Variants in TBC1D22A observed in about 807,000 individuals in gnomAD.
TBC1D22A encodes the protein putative GTPase activator.
TBC1D22A carries 38 observed loss-of-function variants against 60.2 expected under a neutral mutation model. The observed-to-expected ratio is 0.63, with a 90% confidence interval of 0.49 to 0.83. The LOEUF (loss-of-function observed/expected upper bound fraction) is 0.83. Ranked by LOEUF, TBC1D22A falls within the 40% of genes least tolerant of loss-of-function variation. The probability of loss-of-function intolerance (pLI) is 0.00; values close to 1 mark genes in which losing one functional copy is unlikely to be tolerated. For missense variants in TBC1D22A, 628 were observed against 701.0 expected, an observed-to-expected ratio of 0.90 and a Z score of 1.18; for synonymous variants, 302 against 281.7, an observed-to-expected ratio of 1.07 and a Z score of -0.72.
At chr22:46,970,858 T>A (rs912989359) in intron 8 of TBC1D22A, among the ~76,000 whole-genome samples, 1 of 152,142 alleles carries the variant, frequency 6.6e-6, no homozygotes, top group Non-Finnish European at 1.5e-5. Context: ...GGGACAGGGC[T>A]CCTCTGGGTG....
intron 12 of TBC1D22A, among the ~76,000 whole-genome samples, chr22:47,125,352 G>A (rs577386632): frequency 4.6e-5 from 7 of 152,302 alleles, no homozygotes; most frequent in African/African-American, 1.2e-4. Context: ...GCGTGCCCTG[G>A]AGACCTGGGG....
intron 4 of TBC1D22A, among the ~76,000 whole-genome samples, chr22:46,823,170 G>A (rs924690961): frequency 2.6e-5 from 4 of 152,108 alleles, no homozygotes; most frequent in African/African-American, 7.2e-5. Context: ...GAGGTATAAG[G>A]TTGAGGGTCC....
intron 9 of TBC1D22A, among the ~76,000 whole-genome samples, chr22:46,975,039 G>A (rs1278822254): frequency 6.6e-6 from 1 of 152,194 alleles, no homozygotes; most frequent in African/African-American, 2.4e-5. Flanking sequence ...ACAGTACCTG[G>A]GAAGGACCTT....
intron 11 of TBC1D22A, among the ~76,000 whole-genome samples, chr22:47,050,325 C>T (rs958881312): frequency 2.6e-5 from 4 of 152,184 alleles, no homozygotes; most frequent in Admixed American, 6.5e-5. Flanking sequence ...ATTTCTTTAC[C>T]GTCACCATCA....
chr22:46,823,672 T>A (rs528413704), intron 4 of TBC1D22A, among the ~76,000 whole-genome samples: 1 of 152,254 alleles, frequency 6.6e-6, no homozygotes, highest in Non-Finnish European at 1.5e-5. Flanking sequence ...ACGTGGGCAG[T>A]ACTTAATAAA....
intron 4 of TBC1D22A, among the ~76,000 whole-genome samples, chr22:46,836,924 T>A (rs1280648485): frequency 6.6e-6 from 1 of 150,848 alleles, no homozygotes; most frequent in Non-Finnish European, 1.5e-5. Context: ...TTTGGGAGGC[T>A]GAGGTGGGAG....
intron 12 of TBC1D22A, among the ~76,000 whole-genome samples, chr22:47,165,261 G>A (rs542422553): frequency 2.9e-4 from 44 of 152,230 alleles, no homozygotes; most frequent in African/African-American, 1.0e-3. Context: ...GGGGGTGCGC[G>A]GACCCCTTCA....
chr22:46,850,065 G>T (rs1315897088), intron 4 of TBC1D22A, among the ~76,000 whole-genome samples: 1 of 152,224 alleles, frequency 6.6e-6, no homozygotes, highest in Non-Finnish European at 1.5e-5. Context: ...TTTCCTGGGT[G>T]TGCATCTGTG....
intron 12 of TBC1D22A, among the ~76,000 whole-genome samples, chr22:47,119,506 T>TC (rs1277903903): frequency 6.6e-6 from 1 of 152,042 alleles, no homozygotes; most frequent in African/African-American, 2.4e-5. Context: ...TAATTTTTTT[T>TC]TTTTTTTTGA....
At chr22:46,855,970 T>A (rs2087547796) in intron 4 of TBC1D22A, among the ~76,000 whole-genome samples, 1 of 152,192 alleles carries the variant, frequency 6.6e-6, no homozygotes, top group East Asian at 1.9e-4. Flanking sequence ...GATTTCTCAG[T>A]CATGTGTGAC....
intron 12 of TBC1D22A, among the ~76,000 whole-genome samples, chr22:47,130,479 T>A (rs1475297716): frequency 1.3e-5 from 2 of 151,922 alleles, no homozygotes; most frequent in Admixed American, 1.3e-4. Context: ...CCTTCTGGCC[T>A]CTCTCTGGAT....
chr22:46,944,651 G>A (rs1447119045), intron 8 of TBC1D22A, among the ~76,000 whole-genome samples: 2 of 152,156 alleles, frequency 1.3e-5, no homozygotes, highest in African/African-American at 4.8e-5. Flanking sequence ...GCCCACCTTG[G>A]CCTCCCAAAG....
chr22:46,842,303 G>A (rs562499873), intron 4 of TBC1D22A, among the ~76,000 whole-genome samples: 244 of 152,324 alleles, frequency 1.6e-3, no homozygotes, highest in African/African-American at 5.5e-3. Context: ...AGCAGTCATG[G>A]GTTTGGGTCT....
intron 12 of TBC1D22A, chr22:47,116,441 G>A (rs530058686): frequency 1.3e-3 from 203 of 152,440 alleles, no homozygotes; most frequent in Non-Finnish European, 2.7e-3. Flanking sequence ...TGATCAGTGA[G>A]TGCGCCACTG....
At chr22:47,118,970 G>A (rs1283607137) in intron 12 of TBC1D22A, among the ~76,000 whole-genome samples, 1 of 152,124 alleles carries the variant, frequency 6.6e-6, no homozygotes, top group Non-Finnish European at 1.5e-5. Flanking sequence ...CCAACGTGGT[G>A]GAACCCCATC....
intron 11 of TBC1D22A, among the ~76,000 whole-genome samples, chr22:47,072,701 A>G (rs889508034): frequency 6.6e-6 from 1 of 152,252 alleles, no homozygotes; most frequent in Admixed American, 6.5e-5. Flanking sequence ...TGTGGTGAGC[A>G]CATGGCACCC....
At chr22:47,112,881 G>C (rs959490654) in intron 12 of TBC1D22A, among the ~76,000 whole-genome samples, 2 of 152,236 alleles carry the variant, frequency 1.3e-5, no homozygotes, top group Non-Finnish European at 2.9e-5. Flanking sequence ...CTGATGCAAG[G>C]CTGCTGGGGC....
intron 7 of TBC1D22A, among the ~76,000 whole-genome samples, chr22:46,901,217 T>G (rs1276123106): frequency 6.6e-6 from 1 of 152,230 alleles, no homozygotes; most frequent in Non-Finnish European, 1.5e-5. Flanking sequence ...GGATTAAGTT[T>G]GCTAACATGT....
At chr22:46,933,009 C>T (rs1382764340) in intron 8 of TBC1D22A, among the ~76,000 whole-genome samples, 10 of 152,156 alleles carry the variant, frequency 6.6e-5, no homozygotes, top group Admixed American at 6.5e-4. Context: ...AGGCGTGAGC[C>T]ACTGTGCCCG....
Sources: gnomAD v4.1 joint callset for allele counts (sites outside exome capture counted in the v4.1 genomes callset) on GRCh38, gnomAD v4.1.1 for gene constraint, MANE v1.5 for transcripts, NCBI Gene and HGNC (gene_info 2026-07-23, HGNC 2026-07-21) for gene names.